Variants in TMEM120B observed in about 807,000 individuals in gnomAD.
TMEM120B encodes transmembrane protein 120B.
In TMEM120B, 31 loss-of-function variants were observed where a neutral mutation model predicts 55.5. That is an observed-to-expected ratio of 0.56 (90% CI 0.42 to 0.75). The LOEUF is 0.75. Ranked by LOEUF, TMEM120B falls within the 30% of genes least tolerant of loss-of-function variation. The pLI is 0.00. For synonymous variants in TMEM120B, 203 were observed against 176.3 expected (o/e 1.15, Z -1.20); for missense variants, 399 against 425.5 (o/e 0.94, Z 0.55).
intron 2 of TMEM120B, among the ~76,000 whole-genome samples, chr12:121,745,666 A>G (rs987206016): frequency 6.6e-6 from 1 of 150,954 alleles, no homozygotes; most frequent in South Asian, 2.1e-4. Context: ...TGCTGAGATT[A>G]CAGGTGTGAG....
At chr12:121,734,099 A>G (rs1895057352) in intron 1 of TMEM120B, among the ~76,000 whole-genome samples, 1 of 152,060 alleles carries the variant, frequency 6.6e-6, no homozygotes, top group South Asian at 2.1e-4. Flanking sequence ...GCATAAAACA[A>G]CGGCTGCCTG....
intron 5 of TMEM120B, among the ~76,000 whole-genome samples, chr12:121,754,050 G>A (rs959813289): frequency 1.3e-5 from 2 of 152,204 alleles, no homozygotes; most frequent in African/African-American, 2.4e-5. Flanking sequence ...GGTCAAGTAC[G>A]GTTTGGGCAT....
intron 5 of TMEM120B, among the ~76,000 whole-genome samples, chr12:121,752,668 G>A (rs1028118309): frequency 4.6e-5 from 7 of 152,008 alleles, no homozygotes; most frequent in African/African-American, 1.7e-4. Context: ...CAGGAGAATC[G>A]CTTGAACCCA....
chr12:121,746,514 A>G (rs1427711263), intron 2 of TMEM120B, among the ~76,000 whole-genome samples: 1 of 151,820 alleles, frequency 6.6e-6, no homozygotes, highest in Non-Finnish European at 1.5e-5. Flanking sequence ...TTAATTTTTT[A>G]TAGAGACGGG....
In TMEM120B at chr12:121,753,786, G is replaced by A. The variant is rs1393154948; in HGVS notation, c.461+1563G>A. Among the ~76,000 whole-genome samples the A allele has an allele frequency of 2.6e-5, 4 of 152,228 alleles. 1 individual carries two copies. In the East Asian group the frequency reaches 7.7e-4, roughly 29 times the overall value. On this transcript the variant is annotated intron_variant, in intron 5 of 11. Coordinates refer to ENST00000449592, the MANE Select transcript of TMEM120B (RefSeq NM_001080825.2). ...TACTATGGGCAGGTTCCCTCTGGGAGCCTCAGTCTCCCCATCTGTAAAACA... is the reference window on the plus strand; with the variant it reads ...TACTATGGGCAGGTTCCCTCTGGGAACCTCAGTCTCCCCATCTGTAAAACA...
chr12:121,775,862 A>G lies in TMEM120B; in HGVS notation c.*140A>G, dbSNP rs1874227976. The G allele has an allele frequency of 5.8e-6, 5 of 856,778 alleles. No individual in the cohort carries two copies. The highest frequency in any genetic ancestry group is 9.4e-6 in the Non-Finnish European group (5 of 530,266). The allele number at this position is 856,778 out of a possible 1,614,324, so 53.1% of individuals were successfully genotyped here. A position where few individuals can be genotyped will look rare whatever the true frequency, so the allele number is the denominator to read the frequency against. ...CCCCCAGTGGACCCCAGTGGTCTAG[A>G]GGAATGTGAGCCCCGCCTGTCCGCA... is the stretch of plus-strand genomic sequence containing the variant. On this transcript the variant is annotated 3_prime_UTR_variant, in exon 12 of 12. Transcript: ENST00000449592. The surrounding 1 kb of genome is among the most constrained non-coding windows in gnomAD (Gnocchi z 4.3).
chr12:121,775,204 G>A lies in TMEM120B; in HGVS notation c.906+74G>A. 3 of 1,393,070 alleles carry A rather than the reference G, an allele frequency of 2.2e-6. No individual in the cohort carries two copies. Among genetic ancestry groups the A allele is most frequent in the Non-Finnish European group, 9.8e-7 (1 of 1,016,656 alleles). 86.3% of individuals were successfully genotyped at this position (1,393,070 alleles called of 1,614,324 possible). Reference sequence around the variant, plus strand: ...GTGGCAGGGATGGGGTGTATGTGTGGCATGCTGGGGTGCGGATTCCTGGGG... The same window carrying A: ...GTGGCAGGGATGGGGTGTATGTGTGACATGCTGGGGTGCGGATTCCTGGGG... On this transcript the variant is annotated intron_variant, in intron 11 of 11. Transcript: ENST00000449592. The surrounding 1 kb of genome is among the most constrained non-coding windows in gnomAD (Gnocchi z 4.3).
chr12:121,767,413 G>T (rs1356033831), intron 6 of TMEM120B, among the ~76,000 whole-genome samples: 2 of 152,212 alleles, frequency 1.3e-5, no homozygotes, highest in Admixed American at 1.3e-4. Context: ...GCCCGCCTCG[G>T]CCTCCCAAAG....
At chr12:121,748,579 A>G in intron 3 of TMEM120B, 137 bp downstream of exon 3, 1 of 597,056 alleles carries the variant, frequency 1.7e-6, no homozygotes, top group Middle Eastern at 3.3e-4. Context: ...AGAGATAAGG[A>G]GCCTTCCTTA....
Position 121,781,016 on chromosome 12 carries a change from GA to G in TMEM120B, c.*5295del. 1 of 1,613,454 alleles carries G rather than the reference GA, an allele frequency of 6.2e-7. No homozygotes were observed. The highest frequency in any genetic ancestry group is 8.5e-7 in the Non-Finnish European group (1 of 1,179,492). The stretch of plus-strand genomic sequence containing the variant: ...TGACCTCAGGGAACCACTGTGGAGG[GA>G]GGAGGCGGGATCAGGGGTGCGGCCG... On this transcript the variant is annotated 3_prime_UTR_variant, in exon 12 of 12. Transcript: ENST00000449592.
chr12:121,749,177 A>G (rs1331518315), intron 3 of TMEM120B, among the ~76,000 whole-genome samples: 1 of 152,100 alleles, frequency 6.6e-6, no homozygotes, highest in Non-Finnish European at 1.5e-5. Context: ...GCCCTGTTAT[A>G]TTTTAACCCA....
chr12:121,764,520 T>TA (rs906223455), intron 6 of TMEM120B, among the ~76,000 whole-genome samples: 7 of 146,138 alleles, frequency 4.8e-5, no homozygotes, highest in African/African-American at 1.8e-4. Flanking sequence ...AAACTCGGTC[T>TA]AAAAAAAAAT....
rs1874029192 is a variant in TMEM120B, at chr12:121,771,025, G to A, written c.617+53G>A. The A allele has an allele frequency of 3.8e-6, 6 of 1,577,920 alleles. No homozygotes were observed. The Admixed American group carries it at 1.0e-4, about 27-fold the overall frequency. On this transcript the variant is annotated intron_variant, in intron 7 of 11. Transcript: ENST00000449592. ...AGCCTCCCAGGGAGTAGAGCCTGGG[G>A]CCCGGGAATGGGGAGGGGGCTGATC...
chr12:121,731,205 A>T (rs1894997018), intron 1 of TMEM120B, among the ~76,000 whole-genome samples: 1 of 152,102 alleles, frequency 6.6e-6, no homozygotes, highest in South Asian at 2.1e-4. Flanking sequence ...TGAGATTATG[A>T]TGCTATATTT....
rs552605082 is a variant in TMEM120B at position 121,723,056 on chromosome 12, C to T, written c.69+10092C>T. 5.9e-4 allele frequency among the ~76,000 whole-genome samples: 90 copies of T among 151,970 alleles called. 1 individual carries two copies. In the South Asian group the frequency reaches 9.5e-3, roughly 16 times the overall value. On this transcript the variant is annotated intron_variant, in intron 1 of 11. Transcript: ENST00000449592. ...AGAGACGGGGTTTCTCCATGTTAGTCAGGCTGGTCTCAAACTCCTGACCTC... is the reference window on the plus strand; with the variant it reads ...AGAGACGGGGTTTCTCCATGTTAGTTAGGCTGGTCTCAAACTCCTGACCTC...
At chr12:121,771,448 T>C (rs112664502) in intron 7 of TMEM120B, 40 bp from the exon 8 acceptor site, 62 of 1,566,282 alleles carry the variant, frequency 4.0e-5, no homozygotes, top group South Asian at 2.7e-4. Flanking sequence ...TCTCATTTCA[T>C]AGTGGGCCCC....
chr12:121,741,060 C>T (rs756580379), intron 1 of TMEM120B, among the ~76,000 whole-genome samples: 13 of 152,108 alleles, frequency 8.5e-5, no homozygotes, highest in Non-Finnish European at 1.3e-4. Flanking sequence ...ATAATTTTCA[C>T]ACACCACGAA....
chr12:121,776,179 C>T lies in TMEM120B; in HGVS notation c.*457C>T. ...CTGTGGCGCCCCCACCCCGGGGCCACTCTGCTTCTGCTGTGAGCCCCCTCC... is the reference window on the plus strand; with the variant it reads ...CTGTGGCGCCCCCACCCCGGGGCCATTCTGCTTCTGCTGTGAGCCCCCTCC... On this transcript the variant is annotated 3_prime_UTR_variant, in exon 12 of 12. Transcript: ENST00000449592. 3.0e-6 allele frequency: 1 copy of T among 333,580 alleles called. No homozygotes were observed. Among genetic ancestry groups the T allele is most frequent in the East Asian group, 5.0e-5 (1 of 20,176 alleles). 20.7% of individuals were successfully genotyped at this position (333,580 alleles called of 1,614,324 possible).
chr12:121,745,203 T>G (rs1383588820), intron 2 of TMEM120B, among the ~76,000 whole-genome samples: 3 of 152,160 alleles, frequency 2.0e-5, no homozygotes, highest in Non-Finnish European at 4.4e-5. Flanking sequence ...GTTAGGGTCT[T>G]AGACCAAGGA....
Sources: gnomAD v4.1 joint callset for allele counts (sites outside exome capture counted in the v4.1 genomes callset) on GRCh38, gnomAD v4.1.1 for gene constraint, Gnocchi (gnomAD v3.1) non-coding constraint, MANE v1.5 for transcripts, NCBI Gene and HGNC (gene_info 2026-07-23, HGNC 2026-07-21) for gene names.